The following TNFSF13B variants were observed in gnomAD, a reference collection of about 807,000 sequenced individuals.
The protein encoded by TNFSF13B is tumor necrosis factor ligand superfamily member 13B.
Under a neutral mutation model 29.1 loss-of-function variants are expected in TNFSF13B, and 8 were observed. The ratio of observed to expected loss-of-function variants is 0.27; its 90% confidence interval spans 0.16 to 0.50. The LOEUF is 0.50. Ranked by LOEUF, TNFSF13B falls within the 20% of genes least tolerant of loss-of-function variation. TNFSF13B has a pLI of 0.98. For synonymous variants in TNFSF13B, 125 were observed against 130.8 expected, an observed-to-expected ratio of 0.96 and a Z score of 0.30; for missense variants, 248 against 334.9, an observed-to-expected ratio of 0.74 and a Z score of 2.03.
chr13:108,277,058 AC>A (rs1235903968), intron 2 of TNFSF13B, among the ~76,000 whole-genome samples: 1 of 152,122 alleles, frequency 6.6e-6, no homozygotes, highest in African/African-American at 2.4e-5. Flanking sequence ...TGAGGTAGGC[AC>A]TCCATAATAT....
At chr13:108,301,075 T>G (rs1326006131) in intron 3 of TNFSF13B, 1 of 152,250 alleles carries the variant, frequency 6.6e-6, no homozygotes, top group Non-Finnish European at 1.5e-5. Flanking sequence ...TATTTTATAT[T>G]CTTCCCTCCA....
At chr13:108,275,998 A>G (rs1257704927) in intron 2 of TNFSF13B, among the ~76,000 whole-genome samples, 2 of 152,358 alleles carry the variant, frequency 1.3e-5, no homozygotes, top group East Asian at 1.9e-4. Flanking sequence ...AAGTGAAGAT[A>G]TCAATACTAT....
At chr13:108,270,258 C>T in intron 1 of TNFSF13B, 24 bp downstream of exon 1, 2 of 1,610,830 alleles carry the variant, frequency 1.2e-6, no homozygotes, top group Non-Finnish European at 1.7e-6. Context: ...AGCTGCAAGA[C>T]GCAGGCAAGA....
chr13:108,293,196 C>T (rs1387525607), intron 3 of TNFSF13B, among the ~76,000 whole-genome samples: 5 of 151,972 alleles, frequency 3.3e-5, no homozygotes, highest in African/African-American at 9.7e-5. Context: ...CCACATTGAA[C>T]GGTCTTGGCA....
intron 2 of TNFSF13B, among the ~76,000 whole-genome samples, chr13:108,277,394 A>G (rs1365834057): frequency 6.6e-6 from 1 of 152,174 alleles, no homozygotes; most frequent in Admixed American, 6.5e-5. Context: ...GGATATTGCT[A>G]TTCCCATTGT....
At chr13:108,281,858 T>TC (rs1480447589) in intron 2 of TNFSF13B, among the ~76,000 whole-genome samples, 1 of 152,202 alleles carries the variant, frequency 6.6e-6, no homozygotes, top group African/African-American at 2.4e-5. Context: ...TACCATGCTT[T>TC]CCCCATTTTC....
chr13:108,280,320 G>C (rs990813674), intron 2 of TNFSF13B, among the ~76,000 whole-genome samples: 1 of 152,156 alleles, frequency 6.6e-6, no homozygotes, highest in African/African-American at 2.4e-5. Context: ...AAATAAGTAT[G>C]CATGAGAAAG....
At chr13:108,287,564 A>G (rs1881181442) in intron 3 of TNFSF13B, among the ~76,000 whole-genome samples, 1 of 152,168 alleles carries the variant, frequency 6.6e-6, no homozygotes, top group South Asian at 2.1e-4. Flanking sequence ...CCAATAATAA[A>G]TCAAATTCCA....
intron 2 of TNFSF13B, among the ~76,000 whole-genome samples, chr13:108,275,279 A>T (rs1880732892): frequency 6.6e-6 from 1 of 152,078 alleles, no homozygotes; most frequent in Non-Finnish European, 1.5e-5. Context: ...ACATCACTTA[A>T]CTATAATTTT....
chr13:108,287,903 A>G (rs1389544415), intron 3 of TNFSF13B, among the ~76,000 whole-genome samples: 2 of 152,224 alleles, frequency 1.3e-5, no homozygotes, highest in Non-Finnish European at 1.5e-5. Context: ...TCATTTCCCA[A>G]TATGTGTCAC....
At chr13:108,304,502 G>A (rs1246165622) in intron 5 of TNFSF13B, among the ~76,000 whole-genome samples, 1 of 152,190 alleles carries the variant, frequency 6.6e-6, no homozygotes, top group African/African-American at 2.4e-5. Context: ...TGTTTCAGCT[G>A]TAATTGCCAA....
chr13:108,291,392 C>A (rs1355855912), intron 3 of TNFSF13B, among the ~76,000 whole-genome samples: 1 of 151,270 alleles, frequency 6.6e-6, no homozygotes, highest in Non-Finnish European at 1.5e-5. Context: ...TTTTAGTCTC[C>A]TTTTTTTTCT....
chr13:108,290,184 A>G (rs1175266507), intron 3 of TNFSF13B, among the ~76,000 whole-genome samples: 1 of 152,114 alleles, frequency 6.6e-6, no homozygotes, highest in Non-Finnish European at 1.5e-5. Flanking sequence ...TTACTTAACA[A>G]TGTATATTGC....
In TNFSF13B at chr13:108,273,399, A is replaced by G. The variant is rs540634269; in HGVS notation, c.424+2975A>G. Reference sequence around the variant, plus strand: ...GTAGATACTGGTCTATTTTCTTATTACTATCATAAAATATACACAAAAGTT... The same window carrying G: ...GTAGATACTGGTCTATTTTCTTATTGCTATCATAAAATATACACAAAAGTT... On this transcript the variant is annotated intron_variant, in intron 2 of 5. Coordinates refer to ENST00000375887, the MANE Select transcript of TNFSF13B (RefSeq NM_006573.5). 4.6e-5 allele frequency among the ~76,000 whole-genome samples: 7 copies of G among 152,322 alleles called. No homozygotes were observed. The East Asian group carries it at 1.3e-3, about 29-fold the overall frequency.
rs754344965 is a variant in TNFSF13B at position 108,306,842 on chromosome 13, A to G, written c.762A>G (p.Glu254=). 6 of 1,609,588 alleles carry G rather than the reference A, an allele frequency of 3.7e-6. No individual in the cohort carries two copies. In the African/African-American group the frequency reaches 6.7e-5, roughly 18 times the overall value. Residue 254 remains glutamate, a synonymous_variant, in exon 6 of 6, where the codon GAA becomes GAG. Transcript: ENST00000375887. The part of the protein sequence containing the change: ...SCYSAGIAKL[E]EGDELQLAIP... ...TTTTCCCAGGCATTGCAAAACTGGA[A>G]GAAGGAGATGAACTCCAACTTGCAA...
intron 3 of TNFSF13B, among the ~76,000 whole-genome samples, chr13:108,299,778 G>A (rs1476596857): frequency 1.3e-5 from 2 of 152,040 alleles, no homozygotes; most frequent in Admixed American, 1.3e-4. Flanking sequence ...ATGTGCGTAT[G>A]TGTGTGTGTG....
chr13:108,277,386 A>T (rs1022990638), intron 2 of TNFSF13B, among the ~76,000 whole-genome samples: 5 of 152,190 alleles, frequency 3.3e-5, no homozygotes. Context: ...TATGAAATGG[A>T]TATTGCTATT....
At chr13:108,277,083 C>T (rs1176083586) in intron 2 of TNFSF13B, among the ~76,000 whole-genome samples, 2 of 152,094 alleles carry the variant, frequency 1.3e-5, no homozygotes, top group African/African-American at 4.8e-5. Context: ...GAGAAGAGGA[C>T]AGCGAAGCTA....
At position 108,307,016 on chromosome 13, in the gene TNFSF13B, CAAAAAAAAAAAAAAAA is replaced by C. The variant is rs58093140; in HGVS notation, c.*94_*109del. The C allele has an allele frequency of 9.5e-4, 73 of 76,624 alleles. No homozygotes were observed. Among genetic ancestry groups the C allele is most frequent in the Middle Eastern group, 6.3e-3 (1 of 158 alleles). The allele number at this position is 76,624 out of a possible 1,614,324, so 4.7% of individuals were successfully genotyped here. On this transcript the variant is annotated 3_prime_UTR_variant, in exon 6 of 6. Coordinates refer to ENST00000375887, the MANE Select transcript of TNFSF13B (RefSeq NM_006573.5). Reference sequence around the variant, plus strand: ...GAAGAAAGAATCTAACTGAAAATACCAAAAAAAAAAAAAAAAAAAAAAAAAAAAAAAGTAGTTACCA... The same window carrying C: ...GAAGAAAGAATCTAACTGAAAATACCAAAAAAAAAAAAAAAGTAGTTACCA...
Sources: allele counts gnomAD v4.1 joint callset (sites outside exome capture counted in the v4.1 genomes callset), GRCh38; gene constraint gnomAD v4.1.1; transcripts MANE v1.5; gene names NCBI Gene and HGNC (gene_info 2026-07-23, HGNC 2026-07-21).